Variants in SMPDL3A observed in about 807,000 individuals in gnomAD.
SMPDL3A encodes sphingomyelin phosphodiesterase acid like 3A.
Under a neutral mutation model 38.5 loss-of-function variants are expected in SMPDL3A, and 39 were observed. The ratio of observed to expected loss-of-function variants is 1.01; its 90% CI spans 0.78 to 1.32. SMPDL3A has a LOEUF of 1.32. Ranked by LOEUF, SMPDL3A falls within the 40% of genes most tolerant of loss-of-function variation. SMPDL3A has a pLI of 0.00. For missense variants in SMPDL3A, 502 were observed against 536.2 expected, an observed-to-expected ratio of 0.94 and a Z score of 0.63; for synonymous variants, 180 against 194.3, an observed-to-expected ratio of 0.93 and a Z score of 0.61.
At chr6:122,808,988 C>G (rs1781759833) in intron 7 of SMPDL3A, 103 bp from the exon 8 acceptor site, 2 of 952,716 alleles carry the variant, frequency 2.1e-6, no homozygotes, top group African/African-American at 3.3e-5. Flanking sequence ...GCCACAGCGC[C>G]AAGCCTAAAA....
chr6:122,808,971 G>T, intron 7 of SMPDL3A, 120 bp from the exon 8 acceptor site: 1 of 785,514 alleles, frequency 1.3e-6, no homozygotes, highest in South Asian at 1.8e-5. Flanking sequence ...TAGGATTACA[G>T]GCGTGAGCCA....
chr6:122,808,593 T>TCCTC (rs143524380), intron 7 of SMPDL3A, among the ~76,000 whole-genome samples: 8 of 107,976 alleles, frequency 7.4e-5, no homozygotes, highest in African/African-American at 2.3e-4. Context: ...GAGCCTCCCT[T>TCCTC]CCTCCCTCCC....
intron 2 of SMPDL3A, 147 bp downstream of exon 2, chr6:122,796,037 T>C: frequency 1.6e-6 from 1 of 643,514 alleles, no homozygotes; most frequent in Non-Finnish European, 2.6e-6. Context: ...TAATCAACAT[T>C]ATTAGAGGTA....
In SMPDL3A at chr6:122,801,386, C is replaced by T; in HGVS notation, c.548C>T (p.Ala183Val). The change falls in exon 4 of 8, where the codon GCT becomes GTT. Residue 183 changes from alanine to valine, a missense_variant. Coordinates refer to ENST00000368440, the MANE Select transcript of SMPDL3A (RefSeq NM_006714.5). ...NLWKPWLDEE[A>V]ISTLRKGGFY... ...TGGAAACCATGGCTAGATGAAGAAG[C>T]TATTAGTACTTTAAGGAAAGGTAAG... 3 of 1,607,752 alleles carry T rather than the reference C, an allele frequency of 1.9e-6. No homozygotes were observed. Among genetic ancestry groups the T allele is most frequent in the Non-Finnish European group, 2.6e-6 (3 of 1,174,234 alleles).
At position 122,795,762 on chromosome 6, in the gene SMPDL3A, A is replaced by C; in HGVS notation, c.198A>C (p.Lys66Asn). The change falls in exon 2 of 8, where the codon AAA becomes AAC. Residue 66 changes from lysine (K) to asparagine (N), a missense_variant. By Grantham distance (94) the Lys-to-Asn change is moderately conservative (BLOSUM62 0). Coordinates refer to ENST00000368440, the MANE Select transcript of SMPDL3A (RefSeq NM_006714.5). ...ACACAAAAGTGTGTGCTTCATCTAA[A>C]GGTGCAAATGCCTCCAACCCTGGCC... ...DDHTKVCASS[K>N]GANASNPGPF... The C allele has an allele frequency of 6.2e-7, 1 of 1,614,184 alleles. No individual in the cohort carries two copies.
At chr6:122,805,764 A>C (rs1315616787) in intron 6 of SMPDL3A, among the ~76,000 whole-genome samples, 13 of 152,124 alleles carry the variant, frequency 8.5e-5, no homozygotes, top group Non-Finnish European at 1.9e-4. Flanking sequence ...CTGGGACTAC[A>C]TGTGTGTCAC....
intron 5 of SMPDL3A, 105 bp downstream of exon 5, chr6:122,803,938 G>T: frequency 1.1e-6 from 1 of 942,254 alleles, no homozygotes. Flanking sequence ...ATTATAATTT[G>T]AAGATTTTTT....
chr6:122,791,722 CTCGCCCTG>C (rs1781082493), intron 1 of SMPDL3A, among the ~76,000 whole-genome samples: 1 of 152,086 alleles, frequency 6.6e-6, no homozygotes, highest in African/African-American at 2.4e-5. Context: ...TTGAGACAGT[CTCGCCCTG>C]TCACCCAGGC....
At chr6:122,803,579 G>T in intron 4 of SMPDL3A, 85 bp from the exon 5 acceptor site, 1 of 972,072 alleles carries the variant, frequency 1.0e-6, no homozygotes, top group South Asian at 1.6e-5. Flanking sequence ...CTCCTGACTG[G>T]ATTGTAAACC....
intron 4 of SMPDL3A, among the ~76,000 whole-genome samples, chr6:122,802,195 C>CTTTTTTTTTTTT (rs3031702): frequency 8.1e-6 from 1 of 123,560 alleles, no homozygotes. Flanking sequence ...TATATCTAGT[C>CTTTTTTTTTTTT]TTTTTTTTTT....
chr6:122,793,460 G>A (rs1053355879), intron 1 of SMPDL3A, among the ~76,000 whole-genome samples: 1 of 152,222 alleles, frequency 6.6e-6, no homozygotes, highest in Non-Finnish European at 1.5e-5. Context: ...TTACATTCTC[G>A]AAATAATACA....
At position 122,809,480 on chromosome 6, in the gene SMPDL3A, A is replaced by G; in HGVS notation, c.*72A>G. The G allele has an allele frequency of 1.7e-6, 2 of 1,165,028 alleles. No homozygotes were observed. The highest frequency in any genetic ancestry group is 2.4e-6 in the Non-Finnish European group (2 of 819,716). The allele number at this position is 1,165,028 out of a possible 1,614,324, so 72.2% of individuals were successfully genotyped here. A position where few individuals can be genotyped will look rare whatever the true frequency, so the allele number is the denominator to read the frequency against. ...ATCAATTTGTGGGAATTTTACATAA[A>G]TCTTTGTTAATTACTGAGTGGGCAA... On this transcript the variant is annotated 3_prime_UTR_variant, in exon 8 of 8. Coordinates refer to ENST00000368440, the MANE Select transcript of SMPDL3A (RefSeq NM_006714.5).
chr6:122,800,994 G>T (rs1485662), intron 3 of SMPDL3A, among the ~76,000 whole-genome samples: 1 of 152,024 alleles, frequency 6.6e-6, no homozygotes, highest in Non-Finnish European at 1.5e-5. Flanking sequence ...CAAGTGATCC[G>T]CCTGCCTTGG....
chr6:122,802,195 C>CTT (rs3031702), intron 4 of SMPDL3A, among the ~76,000 whole-genome samples: 3 of 123,538 alleles, frequency 2.4e-5, no homozygotes, highest in African/African-American at 5.8e-5. Context: ...TATATCTAGT[C>CTT]TTTTTTTTTT....
chr6:122,804,865 T>C (rs374741338), intron 5 of SMPDL3A, 44 bp from the exon 6 acceptor site: 1 of 1,528,660 alleles, frequency 6.5e-7, no homozygotes, highest in African/African-American at 1.4e-5. Flanking sequence ...ATGATGAATG[T>C]GCAGAAAGAT....
intron 5 of SMPDL3A, 135 bp downstream of exon 5, chr6:122,803,968 C>T: frequency 1.5e-6 from 1 of 653,416 alleles, no homozygotes; most frequent in Non-Finnish European, 2.5e-6. Context: ...CACTTTACAA[C>T]TCATGGATTT....
chr6:122,795,502 C>T (rs1408361909), intron 1 of SMPDL3A, among the ~76,000 whole-genome samples, 175 bp from the exon 2 acceptor site: 2 of 152,148 alleles, frequency 1.3e-5, no homozygotes, highest in South Asian at 2.1e-4. Context: ...CCTTGAAGCT[C>T]ATCTTCTCAC....
chr6:122,809,081 T>C lies in SMPDL3A; in HGVS notation c.1045-10T>C. The stretch of plus-strand genomic sequence containing the variant: ...AGTGAACCAGGTTTTGTTACTGTTC[T>C]TAACTGCAGGATATGTTGCAGTATT... On this transcript the variant is annotated splice_polypyrimidine_tract_variant and intron_variant, in intron 7 of 7. Coordinates refer to ENST00000368440, the MANE Select transcript of SMPDL3A (RefSeq NM_006714.5). The C allele has an allele frequency of 1.9e-6, 3 of 1,608,316 alleles. No homozygotes were observed. Among genetic ancestry groups the C allele is most frequent in the Non-Finnish European group, 2.6e-6 (3 of 1,175,168 alleles).
chr6:122,805,023 G>A lies in SMPDL3A; in HGVS notation c.853G>A (p.Val285Ile), dbSNP rs1420547446. The change falls in exon 6 of 8, where the codon GTC becomes ATC. Residue 285 changes from valine to isoleucine, a missense_variant. Val to Ile is a conservative substitution (Grantham distance 29, BLOSUM62 3). Coordinates refer to ENST00000368440, the MANE Select transcript of SMPDL3A (RefSeq NM_006714.5). ...AGATATTTTTCAAAAATACAGTGAT[G>A]TCATTGCAGGACAATTTTATGGACA... ...LIDIFQKYSD[V>I]IAGQFYGHTH... 1 of 1,613,296 alleles carries A rather than the reference G, an allele frequency of 6.2e-7. No individual in the cohort carries two copies. The highest frequency in any genetic ancestry group is 8.5e-7 in the Non-Finnish European group (1 of 1,179,786).
Sources: gnomAD v4.1 joint callset for allele counts (sites outside exome capture counted in the v4.1 genomes callset) on GRCh38, gnomAD v4.1.1 for gene constraint, MANE v1.5 for transcripts, NCBI Gene and HGNC (gene_info 2026-07-23, HGNC 2026-07-21) for gene names.